CELSR3: variants seen among roughly 807,000 people sequenced by gnomAD.
CELSR3 encodes the protein EGF-like protein 1.
Under a neutral mutation model 270.0 loss-of-function variants are expected in CELSR3, and 73 were observed. The observed-to-expected ratio is 0.27, with a 90% CI of 0.22 to 0.33. The LOEUF is 0.33. Among genes scored for constraint, CELSR3 ranks in the 10% least tolerant of loss-of-function variants. CELSR3 has a pLI of 1.00. For synonymous variants in CELSR3, 1,780 were observed against 1,905.4 expected (o/e 0.93, Z 1.71); for missense variants, 3,614 against 4,533.8 (o/e 0.80, Z 5.83).
In CELSR3 at chr3:48,638,231, C is replaced by T. The variant is rs746687740; in HGVS notation, c.9913G>A (p.Val3305Ile). 3.1e-6 allele frequency: 5 copies of T among 1,612,670 alleles called. No individual in the cohort carries two copies. The highest frequency in any genetic ancestry group is 1.7e-5 in the Admixed American group (1 of 60,006). Residue 3305 changes from valine to isoleucine, a missense_variant and splice_region_variant, in exon 35 of 35, where the codon GTT (valine) becomes ATT (isoleucine). Around this residue, in one of 7 missense-constraint regions of CELSR3, gnomAD observed 1,240 missense variants for 1,351.7 expected, o/e 0.92. Transcript: ENST00000164024. The stretch of plus-strand genomic sequence containing the variant: ...CAGGAGTGACCCTCACTTCTGGGAA[C>T]TCTGGAGGCACATGAGGAAATCAGA... ...SISELSPDSE[V>I]PRSEGHS is the part of the protein sequence containing the mutation.
At position 48,644,757 on chromosome 3, in the gene CELSR3, G is replaced by A; in HGVS notation, c.8044C>T (p.Leu2682Phe). ...DFCWISVHEP[L>F]IWSFAGPVVL... ...ACAGGGCCAGCAAAGCTCCAGATGA[G>A]GGGCTCGTGGACTGAGATCCAGCAG... Residue 2682 changes from leucine to phenylalanine, a missense_variant, in exon 26 of 35, where the codon CTC becomes TTC. By Grantham distance (22) the Leu-to-Phe change is conservative (BLOSUM62 0). Transcript: ENST00000164024. The surrounding 1 kb of genome is among the most constrained non-coding windows in gnomAD (Gnocchi z 4.8). 2 of 1,613,560 alleles carry A rather than the reference G, an allele frequency of 1.2e-6. No individual in the cohort carries two copies. Among genetic ancestry groups the A allele is most frequent in the South Asian group, 1.1e-5 (1 of 91,070 alleles).
Position 48,662,049 on chromosome 3 carries a change from G to A in CELSR3, c.586C>T (p.Arg196Cys), listed in dbSNP as rs145370936. 3 of 1,613,992 alleles carry A rather than the reference G, an allele frequency of 1.9e-6. No individual in the cohort carries two copies. Among genetic ancestry groups the A allele is most frequent in the Non-Finnish European group, 2.5e-6 (3 of 1,180,044 alleles). The change falls in exon 1 of 35, where the codon CGC becomes TGC. Residue 196 changes from arginine (R) to cysteine (C), a missense_variant. Arg to Cys is a radical substitution (Grantham distance 180, BLOSUM62 -3). Around this residue, in one of 7 missense-constraint regions of CELSR3, gnomAD observed 470 missense variants for 469.7 expected, o/e 1.00. Coordinates refer to ENST00000164024, the MANE Select transcript of CELSR3 (RefSeq NM_001407.3). This position sits in a 1 kb window ranked among gnomAD's most constrained non-coding sequence, Gnocchi z 7.1. Reference sequence around the variant, plus strand: ...CAGCGCGCGGTGCCCACTCTTTTGCGGGAGCCTGTCCCAGCGTTCCGCTGG... The same window carrying A: ...CAGCGCGCGGTGCCCACTCTTTTGCAGGAGCCTGTCCCAGCGTTCCGCTGG... ...SSQRNAGTGS[R>C]KRVGTARCCG... is the part of the protein sequence containing the mutation.
At position 48,656,336 on chromosome 3, in the gene CELSR3, C is replaced by T. The variant is rs1421081688; in HGVS notation, c.4429G>A (p.Gly1477Ser). The change falls in exon 3 of 35, where the codon GGC becomes AGC. Residue 1477 changes from glycine to serine, a missense_variant. This residue lies in a region of CELSR3 where 1,331 missense variants were observed against 1,933.7 expected (regional missense o/e 0.69). Transcript: ENST00000164024. ...GEDCELDTEA[G>S]RCVPGVCRNG... is the part of the protein sequence containing the mutation. The stretch of plus-strand genomic sequence containing the variant: ...CGGCAGACGCCCGGCACGCAGCGGC[C>T]GGCCTCGGTGTCCAGCTCGCAGTCC... 2.1e-6 allele frequency: 3 copies of T among 1,437,970 alleles called. No individual in the cohort carries two copies. Among genetic ancestry groups the T allele is most frequent in the African/African-American group, 3.0e-5 (2 of 66,666 alleles). The allele number at this position is 1,437,970 out of a possible 1,614,324, so 89.1% of individuals were successfully genotyped here.
rs1461495197 is a variant in CELSR3, at chr3:48,646,102, T to C, written c.7451A>G (p.Asp2484Gly). ...NRSKAICVQWDPPGLAEQHGV... is the reference protein window; with the variant it reads ...NRSKAICVQWGPPGLAEQHGV... Reference sequence around the variant, plus strand: ...TGGGGGTCCTCACAGGCCAGGTGGGTCCCACTGCACACAGATCGCCTTGCT... The same window carrying C: ...TGGGGGTCCTCACAGGCCAGGTGGGCCCCACTGCACACAGATCGCCTTGCT... Residue 2484 changes from aspartate (D) to glycine (G), a missense_variant, in exon 22 of 35, where the codon GAC (aspartate) becomes GGC (glycine). By Grantham distance (94) the Asp-to-Gly change is moderately conservative (BLOSUM62 -1). Transcript: ENST00000164024. This position sits in a 1 kb window ranked among gnomAD's most constrained non-coding sequence, Gnocchi z 4.8. 1 of 1,612,616 alleles carries C rather than the reference T, an allele frequency of 6.2e-7. No individual in the cohort carries two copies. Among genetic ancestry groups the C allele is most frequent in the Non-Finnish European group, 8.5e-7 (1 of 1,179,778 alleles).
chr3:48,645,837 C>T lies in CELSR3; in HGVS notation c.7495G>A (p.Asp2499Asn). ...CCATTCCTGTGCACCAGCTCGCAGT[C>T]CCGTGCTGTCCACACACCATGCTGC... ...AEQHGVWTARDCELVHRNGSH... is the reference protein window; with the variant it reads ...AEQHGVWTARNCELVHRNGSH... The change falls in exon 23 of 35, where the codon GAC (aspartate) becomes AAC (asparagine). Residue 2499 changes from aspartate to asparagine, a missense_variant. Asp to Asn is a conservative substitution (Grantham distance 23, BLOSUM62 1). Around this residue, in one of 7 missense-constraint regions of CELSR3, gnomAD observed 1,240 missense variants for 1,351.7 expected, o/e 0.92. Transcript: ENST00000164024. The surrounding 1 kb of genome is among the most constrained non-coding windows in gnomAD (Gnocchi z 5.4). 1 of 1,609,106 alleles carries T rather than the reference C, an allele frequency of 6.2e-7. No individual in the cohort carries two copies. The highest frequency in any genetic ancestry group is 1.3e-5 in the African/African-American group (1 of 75,040).
Position 48,655,889 on chromosome 3 carries a change from T to A in CELSR3, c.4626-38A>T, listed in dbSNP as rs1487648063. On this transcript the variant is annotated intron_variant, in intron 3 of 34. Coordinates refer to ENST00000164024, the MANE Select transcript of CELSR3 (RefSeq NM_001407.3). This position sits in a 1 kb window ranked among gnomAD's most constrained non-coding sequence, Gnocchi z 5.8. ...GGAGGGGGTTGCGGGGGTGGGAGCGTCAGGAGCAGGGTACCACTTCACACC... is the reference window on the plus strand; with the variant it reads ...GGAGGGGGTTGCGGGGGTGGGAGCGACAGGAGCAGGGTACCACTTCACACC... The A allele has an allele frequency of 7.3e-7, 1 of 1,364,616 alleles. No homozygotes were observed. Among genetic ancestry groups the A allele is most frequent in the African/African-American group, 1.4e-5 (1 of 69,372 alleles). 84.5% of individuals were successfully genotyped at this position (1,364,616 alleles called of 1,614,324 possible).
chr3:48,653,779 T>C lies in CELSR3; in HGVS notation c.5288A>G (p.His1763Arg), dbSNP rs1229456684. 1 of 1,614,024 alleles carries C rather than the reference T, an allele frequency of 6.2e-7. No individual in the cohort carries two copies. The highest frequency in any genetic ancestry group is 1.3e-5 in the African/African-American group (1 of 74,934). ...GGKDCQLTMA[H>R]PHHFRGNGTL... ...GCCGTTGCCACGGAAATGGTGGGGA[T>C]GGGCCATAGCTGAGTGGATAAGAGA... Residue 1763 changes from histidine (H) to arginine (R), a missense_variant, in exon 9 of 35, where the codon CAT becomes CGT. Physicochemically the swap from His to Arg is conservative, Grantham distance 29. Coordinates refer to ENST00000164024, the MANE Select transcript of CELSR3 (RefSeq NM_001407.3). This position sits in a 1 kb window ranked among gnomAD's most constrained non-coding sequence, Gnocchi z 6.5.
rs1386432166 is a variant in CELSR3 at position 48,659,940 on chromosome 3, C to T, written c.2695G>A (p.Asp899Asn). The change falls in exon 1 of 35, where the codon GAC (aspartate) becomes AAC (asparagine). Residue 899 changes from aspartate (D) to asparagine (N), a missense_variant. Asp to Asn is a conservative substitution (Grantham distance 23). Coordinates refer to ENST00000164024, the MANE Select transcript of CELSR3 (RefSeq NM_001407.3). The surrounding 1 kb of genome is among the most constrained non-coding windows in gnomAD (Gnocchi z 8.1). ...TCAATGCGGAACTGGGGCAGGTTGT[C>T]CTCCAGGAGATAGGTGATACGAGCA... ...ENARITYLLE[D>N]NLPQFRIDAD... 1 of 1,614,112 alleles carries T rather than the reference C, an allele frequency of 6.2e-7. No individual in the cohort carries two copies. The highest frequency in any genetic ancestry group is 1.7e-5 in the Admixed American group (1 of 60,020).
rs2047006472 is a variant in CELSR3 at position 48,639,879 on chromosome 3, G to A, written c.9706C>T (p.His3236Tyr). 1 of 1,613,364 alleles carries A rather than the reference G, an allele frequency of 6.2e-7. No homozygotes were observed. Among genetic ancestry groups the A allele is most frequent in the African/African-American group, 1.3e-5 (1 of 74,946 alleles). Residue 3236 changes from histidine to tyrosine, a missense_variant, in exon 34 of 35, where the codon CAT becomes TAT. This residue lies in a region of CELSR3 where 1,240 missense variants were observed against 1,351.7 expected (regional missense o/e 0.92). Transcript: ENST00000164024. This position sits in a 1 kb window ranked among gnomAD's most constrained non-coding sequence, Gnocchi z 4.1. ...TCCAACTGTTCTGTGGAGGGGCCAT[G>A]GCTGGGGCCACTGACCGAGTCCTCC... ...AREDSVSGPS[H>Y]GPSTEQLDIL...
chr3:48,657,266 C>T lies in CELSR3; in HGVS notation c.3831G>A (p.Val1277=). The T allele has an allele frequency of 3.1e-6, 5 of 1,612,498 alleles. No homozygotes were observed. The highest frequency in any genetic ancestry group is 4.2e-6 in the Non-Finnish European group (5 of 1,179,396). Residue 1277 remains valine (V), a synonymous_variant, in exon 2 of 35, where the codon GTG becomes GTA. Transcript: ENST00000164024. This position sits in a 1 kb window ranked among gnomAD's most constrained non-coding sequence, Gnocchi z 5.4. ...GCTCCTGCCACATGTTCTCAAGGCG[C>T]ACGGTCAGGCTGTTGGCCAGCAACT... The part of the protein sequence containing the change: ...TEELLANSLT[V]RLENMWQERF...
Position 48,640,065 on chromosome 3 carries a change from G to A in CELSR3, c.9520C>T (p.Leu3174=), listed in dbSNP as rs990875142. The change falls in exon 34 of 35, where the codon CTG becomes TTG. Residue 3174 remains leucine, a synonymous_variant. Transcript: ENST00000164024. The surrounding 1 kb of genome is among the most constrained non-coding windows in gnomAD (Gnocchi z 7.5). ...DLDPQPPPLP[L]SPQRQLSRDP... The stretch of plus-strand genomic sequence containing the variant: ...CTTGAGAGTTGCCGCTGGGGAGACA[G>A]GGGCAGAGGTGGGGGCTGTGGGTCA... 1.9e-6 allele frequency: 3 copies of A among 1,610,678 alleles called. No homozygotes were observed. Among genetic ancestry groups the A allele is most frequent in the Admixed American group, 3.3e-5 (2 of 59,954 alleles).
In CELSR3 at chr3:48,660,215, T is replaced by G. The variant is rs1173240760; in HGVS notation, c.2420A>C (p.Gln807Pro). The change falls in exon 1 of 35, where the codon CAG (glutamine) becomes CCG (proline). Residue 807 changes from glutamine (Q) to proline (P), a missense_variant. Around this residue, in one of 7 missense-constraint regions of CELSR3, gnomAD observed 215 missense variants for 241.2 expected, o/e 0.89. Coordinates refer to ENST00000164024, the MANE Select transcript of CELSR3 (RefSeq NM_001407.3). The surrounding 1 kb of genome is among the most constrained non-coding windows in gnomAD (Gnocchi z 5.5). The stretch of plus-strand genomic sequence containing the variant: ...CAGAGTCACCAGACCCACACCCCCC[T>G]GGGTGCTGATGGCAAAGCGATTCCG... The part of the protein sequence containing the change: ...NTRNRFAIST[Q>P]GGVGLVTLAL... 1 of 1,614,108 alleles carries G rather than the reference T, an allele frequency of 6.2e-7. No homozygotes were observed. The highest frequency in any genetic ancestry group is 8.5e-7 in the Non-Finnish European group (1 of 1,180,034).
chr3:48,646,220 T>C lies in CELSR3; in HGVS notation c.7333A>G (p.Ser2445Gly). Residue 2445 changes from serine (S) to glycine (G), a missense_variant, in exon 22 of 35, where the codon AGC (serine) becomes GGC (glycine). By Grantham distance (56) the Ser-to-Gly change is moderately conservative. Transcript: ENST00000164024. This position sits in a 1 kb window ranked among gnomAD's most constrained non-coding sequence, Gnocchi z 4.8. ...TTGCGTCCGTGGAACACAGCCACGCTGACCACCGGGGAGTTCATGACGGGG... is the reference window on the plus strand; with the variant it reads ...TTGCGTCCGTGGAACACAGCCACGCCGACCACCGGGGAGTTCATGACGGGG... The part of the protein sequence containing the change: ...QNPVMNSPVV[S>G]VAVFHGRNFL... 2.5e-6 allele frequency: 4 copies of C among 1,612,656 alleles called. No homozygotes were observed. The highest frequency in any genetic ancestry group is 3.4e-6 in the Non-Finnish European group (4 of 1,179,870).
At position 48,648,251 on chromosome 3, in the gene CELSR3, C is replaced by CCCCCCCCCA; in HGVS notation, c.6973+14_6973+15insTGGGGGGGG. 6.3e-7 allele frequency: 1 copy of CCCCCCCCCA among 1,574,864 alleles called. No individual in the cohort carries two copies. On this transcript the variant is annotated intron_variant, in intron 19 of 34. Transcript: ENST00000164024. ...CCCCCCTGCTGTGCCCCGCCCTACC[C>CCCCCCCCCA]CACCCACAACGCACTGATATTAGGC...
chr3:48,657,121 G>A lies in CELSR3; in HGVS notation c.3976C>T (p.Leu1326Phe). 2 of 1,613,996 alleles carry A rather than the reference G, an allele frequency of 1.2e-6. No homozygotes were observed. Among genetic ancestry groups the A allele is most frequent in the East Asian group, 2.2e-5 (1 of 44,872 alleles). ...GCTAGCGCCGAGAAACTCACATTGA[G>A]CACGGTGCCCCCTACGTCTGTGTCG... ...QNDTDVGGTV[L>F]NVSFSALAPR... is the part of the protein sequence containing the mutation. Residue 1326 changes from leucine (L) to phenylalanine (F), a missense_variant, in exon 2 of 35, where the codon CTC becomes TTC. Physicochemically the swap from Leu to Phe is conservative, Grantham distance 22. This residue lies in a region of CELSR3 where 1,331 missense variants were observed against 1,933.7 expected (regional missense o/e 0.69). Transcript: ENST00000164024. The surrounding 1 kb of genome is among the most constrained non-coding windows in gnomAD (Gnocchi z 5.4).
Position 48,637,488 on chromosome 3 carries a change from G to A in CELSR3, c.*717C>T, listed in dbSNP as rs1414250568. The A allele has an allele frequency of 2.0e-5, 3 of 152,626 alleles. No homozygotes were observed. Among genetic ancestry groups the A allele is most frequent in the Admixed American group, 6.5e-5 (1 of 15,280 alleles). The allele number at this position is 152,626 out of a possible 1,614,324, so 9.5% of individuals were successfully genotyped here. On this transcript the variant is annotated 3_prime_UTR_variant, in exon 35 of 35. Transcript: ENST00000164024. ...CTAGAGGCCCGAGCCCCTCCCCGTG[G>A]GAGACAGGGAAGCCTTGCTCTGTAA...
At position 48,642,202 on chromosome 3, in the gene CELSR3, G is replaced by T; in HGVS notation, c.8665+156C>A. On this transcript the variant is annotated intron_variant, in intron 31 of 34. Coordinates refer to ENST00000164024, the MANE Select transcript of CELSR3 (RefSeq NM_001407.3). The surrounding 1 kb of genome is among the most constrained non-coding windows in gnomAD (Gnocchi z 6.1). ...AGGACGAATCAGGAGTGGACTGGGA[G>T]AACCAGGGCTGGAGAGGTAGGTGCC... 1 of 902,242 alleles carries T rather than the reference G, an allele frequency of 1.1e-6. No individual in the cohort carries two copies. Among genetic ancestry groups the T allele is most frequent in the Non-Finnish European group, 1.6e-6 (1 of 610,522 alleles). The allele number at this position is 902,242 out of a possible 1,614,324, so 55.9% of individuals were successfully genotyped here. A position where few individuals can be genotyped will look rare whatever the true frequency, so the allele number is the denominator to read the frequency against.
At position 48,659,248 on chromosome 3, in the gene CELSR3, G is replaced by T. The variant is rs770007607; in HGVS notation, c.3387C>A (p.Asp1129Glu). ...IFSGELTALIDLDYEARQEYV... is the reference protein window; with the variant it reads ...IFSGELTALIELDYEARQEYV... ...ATTCTTGGCGAGCCTCATAGTCTAG[G>T]TCAATGAGTGCCGTCAGTTCTCCAG... The change falls in exon 1 of 35, where the codon GAC becomes GAA. Residue 1129 changes from aspartate to glutamate, a missense_variant. Around this residue, in one of 7 missense-constraint regions of CELSR3, gnomAD observed 1,331 missense variants for 1,933.7 expected, o/e 0.69. Coordinates refer to ENST00000164024, the MANE Select transcript of CELSR3 (RefSeq NM_001407.3). This position sits in a 1 kb window ranked among gnomAD's most constrained non-coding sequence, Gnocchi z 8.1. 1.2e-6 allele frequency: 2 copies of T among 1,614,182 alleles called. No homozygotes were observed. Among genetic ancestry groups the T allele is most frequent in the Admixed American group, 3.3e-5 (2 of 60,028 alleles).
At position 48,657,468 on chromosome 3, in the gene CELSR3, A is replaced by C; in HGVS notation, c.3749-120T>G. 1.9e-6 allele frequency: 2 copies of C among 1,069,666 alleles called. No individual in the cohort carries two copies. Among genetic ancestry groups the C allele is most frequent in the Non-Finnish European group, 2.6e-6 (2 of 766,610 alleles). The allele number at this position is 1,069,666 out of a possible 1,614,324, so 66.3% of individuals were successfully genotyped here. ...CCAGAACCTCTAAGTCAGCAGGCTGACCCCACCAGGACACAAGGGAGTCTG... is the reference window on the plus strand; with the variant it reads ...CCAGAACCTCTAAGTCAGCAGGCTGCCCCCACCAGGACACAAGGGAGTCTG... On this transcript the variant is annotated intron_variant, in intron 1 of 34. Transcript: ENST00000164024. This position sits in a 1 kb window ranked among gnomAD's most constrained non-coding sequence, Gnocchi z 5.4.
Sources: allele counts gnomAD v4.1 joint callset, GRCh38; gene constraint gnomAD v4.1.1; regional missense constraint gnomAD v4.1.1; non-coding constraint Gnocchi (gnomAD v3.1); transcripts MANE v1.5; gene names NCBI Gene and HGNC (gene_info 2026-07-23, HGNC 2026-07-21).